The following SLC4A8 variants were observed in gnomAD, a reference collection of about 807,000 sequenced individuals.
SLC4A8 encodes the protein electroneutral sodium bicarbonate exchanger 1.
Under a neutral mutation model 125.0 loss-of-function variants are expected in SLC4A8, and 40 were observed. The observed-to-expected ratio is 0.32, with a 90% CI of 0.25 to 0.42. The LOEUF is 0.42. Among genes scored for constraint, SLC4A8 ranks in the 10% least tolerant of loss-of-function variants. SLC4A8 has a pLI of 1.00. For synonymous variants in SLC4A8, 456 were observed against 476.0 expected (o/e 0.96, Z 0.55); for missense variants, 863 against 1,355.1 (o/e 0.64, Z 5.70).
At chr12:51,474,507 T>G (rs1950804949) in intron 15 of SLC4A8, 60 bp downstream of exon 15, 1 of 1,565,256 alleles carries the variant, frequency 6.4e-7, no homozygotes, top group Non-Finnish European at 8.7e-7. Flanking sequence ...GAGGGACTTC[T>G]AAGTGAAGGG....
chr12:51,472,496 C>T (rs1950729092), intron 14 of SLC4A8, among the ~76,000 whole-genome samples: 1 of 152,130 alleles, frequency 6.6e-6, no homozygotes, highest in Non-Finnish European at 1.5e-5. Context: ...TCTTCAAAGC[C>T]TAGTGAATTG....
rs1938058613 is a variant in SLC4A8 at position 51,504,069 on chromosome 12, C to T, written c.3122C>T (p.Pro1041Leu). The change falls in exon 23 of 25, where the codon CCC becomes CTC. Residue 1041 changes from proline (P) to leucine (L), a missense_variant. Transcript: ENST00000453097. ...TTAGAAATTGGGGGAGACAAGTTTC[C>T]CTTAGAGAGCAGGAAGTTACTAAGT... ...KMLEIGGDKFPLESRKLLSSP... is the reference protein window; with the variant it reads ...KMLEIGGDKFLLESRKLLSSP... The T allele has an allele frequency of 1.3e-6, 2 of 1,589,290 alleles. No homozygotes were observed. The highest frequency in any genetic ancestry group is 2.3e-5 in the East Asian group (1 of 44,296).
Position 51,393,803 on chromosome 12 carries a change from A to G in SLC4A8, c.-112+2315A>G, listed in dbSNP as rs190380830. ...TCCAGGCCGTGGGCTTTAAGCTCCT[A>G]GAGAGACTTTCTACAGAGCTTCCTT... On this transcript the variant is annotated intron_variant, in intron 1 of 24. Coordinates refer to the SLC4A8 transcript ENST00000358657. 9.9e-5 allele frequency among the ~76,000 whole-genome samples: 15 copies of G among 152,254 alleles called. 1 individual carries two copies. The highest frequency in any genetic ancestry group is 5.9e-4 in the Admixed American group (9 of 15,296).
In SLC4A8 at chr12:51,515,153, A is replaced by C. The variant is rs1255665477; in HGVS notation, c.*7715A>C. On this transcript the variant is annotated 3_prime_UTR_variant, in exon 25 of 25. Coordinates refer to ENST00000453097, the MANE Select transcript of SLC4A8 (RefSeq NM_001039960.3). ...GCTTCGCTTAGCAGGTTTGCAATTG[A>C]CTTCAACATGCAGGCTTTTCACATG... 1.3e-5 allele frequency: 2 copies of C among 152,242 alleles called. No homozygotes were observed. Among genetic ancestry groups the C allele is most frequent in the Non-Finnish European group, 2.9e-5 (2 of 68,044 alleles). The allele number at this position is 152,242 out of a possible 1,614,324, so 9.4% of individuals were successfully genotyped here. A position where few individuals can be genotyped will look rare whatever the true frequency, so the allele number is the denominator to read the frequency against.
chr12:51,397,701 T>A (rs1025886269), intron 1 of SLC4A8, among the ~76,000 whole-genome samples: 2 of 151,234 alleles, frequency 1.3e-5, no homozygotes, highest in African/African-American at 4.8e-5. Flanking sequence ...TATGTACATA[T>A]AAATTTCATC....
At position 51,495,082 on chromosome 12, in the gene SLC4A8, C is replaced by T. The variant is rs191682008; in HGVS notation, c.2907C>T (p.Ile969=). 5.8e-5 allele frequency: 94 copies of T among 1,613,180 alleles called. 1 individual carries two copies. In the East Asian group the frequency reaches 2.0e-3, roughly 34 times the overall value. The change falls in exon 21 of 25, where the codon ATC becomes ATT. Residue 969 remains isoleucine, a synonymous_variant. Transcript: ENST00000453097. ...CCTGTCTCGTCCTGCTCTGGGTCAT[C>T]AAGGCATCTCCAGCTGCCATTGTTT... ...QLTCLVLLWV[I]KASPAAIVFP... is the part of the protein sequence containing the mutation.
chr12:51,416,198 A>G (rs1353393352), intron 1 of SLC4A8, among the ~76,000 whole-genome samples: 3 of 126,998 alleles, frequency 2.4e-5, no homozygotes, highest in Non-Finnish European at 4.9e-5. Flanking sequence ...TGCCTGTTTG[A>G]TGGAGGTCTT....
chr12:51,491,498 A>G (rs2138404565), intron 19 of SLC4A8, among the ~76,000 whole-genome samples: 1 of 152,288 alleles, frequency 6.6e-6, no homozygotes, highest in Non-Finnish European at 1.5e-5. Flanking sequence ...CACGTCTTGG[A>G]AAATGAAGAC....
At chr12:51,409,319 T>C (rs1157632442) in intron 1 of SLC4A8, among the ~76,000 whole-genome samples, 1 of 152,248 alleles carries the variant, frequency 6.6e-6, no homozygotes, top group Non-Finnish European at 1.5e-5. Flanking sequence ...TATTTGTTGT[T>C]TGCTAGATCT....
At chr12:51,453,749 G>A (rs1343876129) in intron 5 of SLC4A8, 50 bp downstream of exon 5, 2 of 1,562,088 alleles carry the variant, frequency 1.3e-6, no homozygotes, top group African/African-American at 1.4e-5. Context: ...AATTTAAGAA[G>A]TGTGGGAAAA....
chr12:51,466,735 T>G (rs1950527974), intron 11 of SLC4A8, among the ~76,000 whole-genome samples: 1 of 152,226 alleles, frequency 6.6e-6, no homozygotes, highest in African/African-American at 2.4e-5. Flanking sequence ...TCAGAAATTA[T>G]TTTATTAATT....
intron 24 of SLC4A8, 48 bp downstream of exon 24, chr12:51,505,978 C>A: frequency 2.3e-6 from 2 of 870,020 alleles, no homozygotes; most frequent in Non-Finnish European, 3.7e-6. Flanking sequence ...TGGCTTTTGA[C>A]AATGGCGATA....
chr12:51,412,304 G>A (rs1391039227), intron 1 of SLC4A8, among the ~76,000 whole-genome samples: 1 of 151,922 alleles, frequency 6.6e-6, no homozygotes, highest in East Asian at 1.9e-4. Flanking sequence ...TGTTCTAGTT[G>A]ATGCATAATA....
chr12:51,440,293 T>G (rs1396819164), intron 1 of SLC4A8, among the ~76,000 whole-genome samples: 1 of 152,114 alleles, frequency 6.6e-6, no homozygotes, highest in African/African-American at 2.4e-5. Context: ...CACGTCCTAG[T>G]AATCCCAGCT....
chr12:51,424,064 AAC>A (rs140804600), upstream of SLC4A8, among the ~76,000 whole-genome samples: 88 of 44,518 alleles, frequency 2.0e-3, 3 homozygotes, highest in South Asian at 2.6e-3. Flanking sequence ...CAAAAAAAAC[AAC>A]AAAAAAAAAA....
At chr12:51,495,687 G>GGCCA in intron 21 of SLC4A8, among the ~76,000 whole-genome samples, 1 of 151,622 alleles carries the variant, frequency 6.6e-6, no homozygotes, top group South Asian at 2.1e-4. Flanking sequence ...TCACTGTGTT[G>GGCCA]GCCAGGCTGG....
In SLC4A8 at chr12:51,514,682, T is replaced by A. The variant is rs1294995014; in HGVS notation, c.*7244T>A. 1 of 152,218 alleles carries A rather than the reference T, an allele frequency of 6.6e-6. No homozygotes were observed. Among genetic ancestry groups the A allele is most frequent in the Non-Finnish European group, 1.5e-5 (1 of 68,048 alleles). 9.4% of individuals were successfully genotyped at this position (152,218 alleles called of 1,614,324 possible). On this transcript the variant is annotated 3_prime_UTR_variant, in exon 25 of 25. Coordinates refer to ENST00000453097, the MANE Select transcript of SLC4A8 (RefSeq NM_001039960.3). Reference sequence around the variant, plus strand: ...TCTCAAAGCCAAATAGAAATGATTTTCTACTAAGCCTATCCTTTGTGATTC... The same window carrying A: ...TCTCAAAGCCAAATAGAAATGATTTACTACTAAGCCTATCCTTTGTGATTC...
intron 1 of SLC4A8, among the ~76,000 whole-genome samples, chr12:51,394,793 A>G (rs1162962790): frequency 6.6e-6 from 1 of 152,248 alleles, no homozygotes; most frequent in Non-Finnish European, 1.5e-5. Context: ...CGCAACATGC[A>G]ATTTACCCAT....
At chr12:51,453,825 T>C (rs776766180) in intron 5 of SLC4A8, 126 bp downstream of exon 5, 15 of 670,974 alleles carry the variant, frequency 2.2e-5, no homozygotes, top group Non-Finnish European at 2.8e-5. Flanking sequence ...ACAACCTTCC[T>C]GGCCTCAATG....
Sources: allele counts gnomAD v4.1 joint callset (sites outside exome capture counted in the v4.1 genomes callset), GRCh38; gene constraint gnomAD v4.1.1; transcripts MANE v1.5; gene names NCBI Gene and HGNC (gene_info 2026-07-23, HGNC 2026-07-21).